Variants in ZFHX3 observed in about 807,000 individuals in gnomAD.
ZFHX3 encodes zinc finger homeobox protein 3.
ZFHX3 carries 42 observed loss-of-function variants against 279.1 expected under a neutral mutation model. That is an observed-to-expected ratio of 0.15 (90% CI 0.12 to 0.19). The LOEUF is 0.19. ZFHX3 is among the 10% of genes least tolerant of loss of function. The pLI is 1.00. For missense variants in ZFHX3, 4,981 were observed against 4,754.0 expected, an observed-to-expected ratio of 1.05 and a Z score of -1.40; for synonymous variants, 2,293 against 1,957.8, an observed-to-expected ratio of 1.17 and a Z score of -4.52.
intron 3 of ZFHX3, among the ~76,000 whole-genome samples, chr16:73,342,925 C>A (rs1193576113): frequency 6.6e-6 from 1 of 152,142 alleles, no homozygotes; most frequent in Non-Finnish European, 1.5e-5. Flanking sequence ...AAGTGACCTT[C>A]CAACAGAGAG....
intron 2 of ZFHX3, among the ~76,000 whole-genome samples, chr16:73,475,328 T>C (rs1187276861): frequency 6.6e-6 from 1 of 152,200 alleles, no homozygotes; most frequent in Non-Finnish European, 1.5e-5. Context: ...AAATGTAACA[T>C]ATATCTGTTT....
intron 1 of ZFHX3, among the ~76,000 whole-genome samples, chr16:73,720,379 C>T (rs529810561): frequency 6.3e-4 from 96 of 152,260 alleles, no homozygotes; most frequent in African/African-American, 2.3e-3. Context: ...AATTTTATCT[C>T]GCTATCATTT....
chr16:72,924,239 G>A (rs1959316885), intron 3 of ZFHX3, among the ~76,000 whole-genome samples: 1 of 152,174 alleles, frequency 6.6e-6, no homozygotes, highest in South Asian at 2.1e-4. Flanking sequence ...ACGCTATACT[G>A]CTATCCCTCC....
rs1180186648 is a variant in ZFHX3 at position 73,645,808 on chromosome 16, TC to T, written c.-1547+34371del. Among the ~76,000 whole-genome samples the T allele has an allele frequency of 2.0e-5, 3 of 152,164 alleles. No individual in the cohort carries two copies. The South Asian group carries it at 6.2e-4, about 32-fold the overall frequency. On this transcript the variant is annotated intron_variant, in intron 2 of 17. Coordinates refer to the ZFHX3 transcript ENST00000641206. ...TGGCTAAATGACATGACTTTTGGGG[TC>T]CTTCCAGGTCCAACATTTTGGTCCC...
chr16:73,214,305 C>T (rs1567420150), intron 5 of ZFHX3, among the ~76,000 whole-genome samples: 1 of 152,224 alleles, frequency 6.6e-6, no homozygotes, highest in African/African-American at 2.4e-5. Flanking sequence ...CCACGTTCTC[C>T]TCATGCCATC....
chr16:73,245,091 T>G (rs2013238714), intron 5 of ZFHX3, among the ~76,000 whole-genome samples: 2 of 152,148 alleles, frequency 1.3e-5, no homozygotes, highest in African/African-American at 4.8e-5. Context: ...CAAACTCCAC[T>G]TGTATGGACA....
At chr16:73,298,194 CAA>C (rs1454925337) in intron 4 of ZFHX3, among the ~76,000 whole-genome samples, 1 of 142,478 alleles carries the variant, frequency 7.0e-6, no homozygotes, top group African/African-American at 3.0e-5. Flanking sequence ...CTGTCTCTAA[CAA>C]CAACAACAAC....
At chr16:73,096,595 G>A (rs577708783) in intron 7 of ZFHX3, among the ~76,000 whole-genome samples, 4 of 149,976 alleles carry the variant, frequency 2.7e-5, no homozygotes, top group Non-Finnish European at 4.4e-5. Context: ...TAGTAGAGAC[G>A]GGGTTTCACC....
At chr16:73,763,881 C>T (rs926933019) in intron 1 of ZFHX3, among the ~76,000 whole-genome samples, 20 of 145,566 alleles carry the variant, frequency 1.4e-4, no homozygotes, top group African/African-American at 4.1e-4. Context: ...ATTAATTCTG[C>T]GACCAAAAGG....
At chr16:73,437,982 A>G (rs889426134) in intron 3 of ZFHX3, among the ~76,000 whole-genome samples, 2 of 152,128 alleles carry the variant, frequency 1.3e-5, no homozygotes, top group African/African-American at 2.4e-5. Context: ...CTCTTTCAAC[A>G]TCAGTGTTCA....
intron 7 of ZFHX3, among the ~76,000 whole-genome samples, chr16:73,124,248 C>A (rs1220111993): frequency 6.6e-6 from 1 of 152,150 alleles, no homozygotes; most frequent in Non-Finnish European, 1.5e-5. Flanking sequence ...AGTTCAAGAT[C>A]AAGGCACTGG....
intron 5 of ZFHX3, among the ~76,000 whole-genome samples, chr16:73,227,627 T>G (rs1176401306): frequency 6.6e-6 from 1 of 151,968 alleles, no homozygotes; most frequent in Non-Finnish European, 1.5e-5. Flanking sequence ...GGCAGGTGGA[T>G]TGATTGAGCT....
chr16:73,026,944 T>C (rs994339497), intron 1 of ZFHX3, among the ~76,000 whole-genome samples: 2 of 152,168 alleles, frequency 1.3e-5, no homozygotes, highest in Admixed American at 6.5e-5. Context: ...ACTTTTCCCA[T>C]AAAGAGCCAT....
intron 2 of ZFHX3, among the ~76,000 whole-genome samples, chr16:73,654,255 T>G (rs1158263911): frequency 6.6e-6 from 1 of 151,704 alleles, no homozygotes; most frequent in Non-Finnish European, 1.5e-5. Context: ...AGTATTTAAG[T>G]ACGACATTTA....
intron 1 of ZFHX3, among the ~76,000 whole-genome samples, chr16:73,773,126 A>G (rs1266489999): frequency 6.6e-6 from 1 of 152,244 alleles, no homozygotes; most frequent in Non-Finnish European, 1.5e-5. Context: ...ACAAACAAAA[A>G]TCAAATCAAG....
At chr16:73,105,597 A>C (rs933529519) in intron 7 of ZFHX3, among the ~76,000 whole-genome samples, 1 of 151,712 alleles carries the variant, frequency 6.6e-6, no homozygotes, top group Non-Finnish European at 1.5e-5. Context: ...TACTAAAAGC[A>C]CAAAAATCAG....
At chr16:73,810,778 A>T (rs966162782) in intron 1 of ZFHX3, among the ~76,000 whole-genome samples, 2 of 152,174 alleles carry the variant, frequency 1.3e-5, no homozygotes, top group African/African-American at 4.8e-5. Context: ...AAATAGCTGT[A>T]TGGTCTTGAG....
intron 1 of ZFHX3, among the ~76,000 whole-genome samples, chr16:73,686,157 G>A (rs772053729): frequency 1.2e-4 from 18 of 152,040 alleles, no homozygotes; most frequent in Non-Finnish European, 2.1e-4. Context: ...GTGCAGTGGC[G>A]TGATCTCGGC....
chr16:73,295,604 C>T (rs375223194), intron 4 of ZFHX3, among the ~76,000 whole-genome samples: 4 of 152,122 alleles, frequency 2.6e-5, no homozygotes, highest in East Asian at 3.9e-4. Flanking sequence ...TGGGTAAGAA[C>T]GTTTACGATG....
Sources: gnomAD v4.1 joint callset for allele counts (sites outside exome capture counted in the v4.1 genomes callset) on GRCh38, gnomAD v4.1.1 for gene constraint, MANE v1.5 for transcripts, NCBI Gene and HGNC (gene_info 2026-07-23, HGNC 2026-07-21) for gene names.